The following MYO6 variants were observed in gnomAD, a reference collection of about 807,000 sequenced individuals.
The protein encoded by MYO6 is unconventional myosin-VI.
In MYO6, 74 loss-of-function variants were observed where a neutral mutation model predicts 178.7. The ratio of observed to expected loss-of-function variants is 0.41; its 90% confidence interval spans 0.34 to 0.50. MYO6 has a LOEUF of 0.50. Ranked by LOEUF, MYO6 falls within the 20% of genes least tolerant of loss-of-function variation. MYO6 has a pLI of 0.09. For missense variants in MYO6, 1,330 were observed against 1,547.4 expected (o/e 0.86, Z 2.36); for synonymous variants, 477 against 504.6 (o/e 0.95, Z 0.73).
intron 17 of MYO6, 85 bp from the exon 18 acceptor site, chr6:75,866,847 C>T: frequency 1.4e-6 from 2 of 1,417,772 alleles, no homozygotes; most frequent in Admixed American, 1.7e-5. Context: ...TTTCTGTCAT[C>T]ACAGAAAGTT....
chr6:75,806,858 C>T (rs985316209), intron 1 of MYO6, among the ~76,000 whole-genome samples: 2 of 152,200 alleles, frequency 1.3e-5, no homozygotes, highest in African/African-American at 4.8e-5. Context: ...CTGTTCGGGG[C>T]TCTCAGCTCT....
chr6:75,749,776 A>C (rs563150561), intron 1 of MYO6, among the ~76,000 whole-genome samples: 2 of 152,196 alleles, frequency 1.3e-5, no homozygotes, highest in Non-Finnish European at 2.9e-5. Context: ...ACACGCTTAA[A>C]ATTCAGTGCA....
At chr6:75,891,130 C>T in intron 26 of MYO6, 98 bp from the exon 27 acceptor site, 1 of 775,362 alleles carries the variant, frequency 1.3e-6, no homozygotes. Context: ...CATTCCCAAT[C>T]TGTTACCTTT....
chr6:75,759,892 T>C (rs1013066277), intron 1 of MYO6, among the ~76,000 whole-genome samples: 14 of 152,230 alleles, frequency 9.2e-5, no homozygotes, highest in African/African-American at 3.4e-4. Flanking sequence ...AAAGCACTTT[T>C]GTTAATATAC....
chr6:75,809,865 C>A (rs1223046428), intron 1 of MYO6, among the ~76,000 whole-genome samples: 3 of 148,560 alleles, frequency 2.0e-5, no homozygotes, highest in African/African-American at 7.5e-5. Context: ...GAGTTCAAGA[C>A]CAGTCTGGCT....
intron 13 of MYO6, among the ~76,000 whole-genome samples, chr6:75,858,536 C>T (rs997931263): frequency 6.6e-6 from 1 of 152,034 alleles, no homozygotes; most frequent in African/African-American, 2.4e-5. Flanking sequence ...AACCCGGGGG[C>T]GGAGGTTGCA....
rs150787950 is a variant in MYO6 at position 75,877,054 on chromosome 6, C to T, written c.2078-2766C>T. Reference sequence around the variant, plus strand: ...CAATGGTGCGCTCTTGGCTCACCACCGTAAGCTCCGCCTCCCAGGTTCAAG... The same window carrying T: ...CAATGGTGCGCTCTTGGCTCACCACTGTAAGCTCCGCCTCCCAGGTTCAAG... On this transcript the variant is annotated intron_variant, in intron 20 of 34. Coordinates refer to ENST00000369977, the MANE Select transcript of MYO6 (RefSeq NM_004999.4). 9.9e-3 allele frequency among the ~76,000 whole-genome samples: 1,509 copies of T among 151,860 alleles called. 25 individuals are homozygous for T. Among genetic ancestry groups the T allele is most frequent in the African/African-American group, 0.034 (1,415 of 41,426 alleles).
Position 75,914,165 on chromosome 6 carries a change from A to C in MYO6, c.3542A>C (p.Gln1181Pro). ...ATCCCATTCATCCGCCCTGCCGACC[A>C]GTACAAAGACCCTCAGAGTAAGAAA... The part of the protein sequence containing the change: ...FRIPFIRPAD[Q>P]YKDPQSKKKG... Residue 1181 changes from glutamine (Q) to proline (P), a missense_variant, in exon 34 of 35, where the codon CAG becomes CCG. Transcript: ENST00000369977. The C allele has an allele frequency of 6.2e-7, 1 of 1,614,178 alleles. No individual in the cohort carries two copies. The highest frequency in any genetic ancestry group is 8.5e-7 in the Non-Finnish European group (1 of 1,180,032).
chr6:75,766,048 C>T (rs903271794), intron 1 of MYO6, among the ~76,000 whole-genome samples: 6 of 152,034 alleles, frequency 3.9e-5, no homozygotes, highest in African/African-American at 1.4e-4. Flanking sequence ...GCAGGCTGGG[C>T]ATGGTGGCTC....
At chr6:75,785,999 T>C (rs1408585422) in intron 1 of MYO6, among the ~76,000 whole-genome samples, 1 of 152,080 alleles carries the variant, frequency 6.6e-6, no homozygotes, top group African/African-American at 2.4e-5. Flanking sequence ...CACTGCAACC[T>C]CTGCCTCCCA....
At chr6:75,850,282 T>TA (rs960120359) in intron 11 of MYO6, among the ~76,000 whole-genome samples, 5 of 151,770 alleles carry the variant, frequency 3.3e-5, no homozygotes, top group African/African-American at 1.2e-4. Flanking sequence ...AAAAGAAGAT[T>TA]AAAAAAAGTG....
At chr6:75,818,604 T>A (rs1014452629) in intron 2 of MYO6, among the ~76,000 whole-genome samples, 1 of 152,226 alleles carries the variant, frequency 6.6e-6, no homozygotes, top group African/African-American at 2.4e-5. Flanking sequence ...TAATTTATAT[T>A]CTATGATACA....
chr6:75,869,411 G>A (rs920329850), intron 18 of MYO6, among the ~76,000 whole-genome samples: 4 of 151,946 alleles, frequency 2.6e-5, no homozygotes, highest in African/African-American at 9.7e-5. Context: ...CGTAACCTCG[G>A]GCAAGTTATT....
chr6:75,858,329 G>A (rs7768593), intron 13 of MYO6, among the ~76,000 whole-genome samples: 67 of 152,226 alleles, frequency 4.4e-4, no homozygotes, highest in African/African-American at 1.6e-3. Flanking sequence ...TTGTTGGCCG[G>A]GTGCGGTGGC....
chr6:75,786,900 T>C (rs1207764442), intron 1 of MYO6, among the ~76,000 whole-genome samples: 1 of 152,250 alleles, frequency 6.6e-6, no homozygotes, highest in Non-Finnish European at 1.5e-5. Context: ...GTAACAGTTA[T>C]CACTACTATA....
chr6:75,766,384 G>A (rs940271262), intron 1 of MYO6, among the ~76,000 whole-genome samples: 1 of 151,836 alleles, frequency 6.6e-6, no homozygotes, highest in East Asian at 1.9e-4. Context: ...GTGTGTGTGT[G>A]TATATTTTAT....
At chr6:75,795,520 A>G (rs1768720506) in intron 1 of MYO6, among the ~76,000 whole-genome samples, 1 of 152,174 alleles carries the variant, frequency 6.6e-6, no homozygotes, top group South Asian at 2.1e-4. Context: ...ATCAGGTTTT[A>G]TAGAGGATCT....
chr6:75,890,081 A>G lies in MYO6; in HGVS notation c.2683A>G (p.Ile895Val). 3 of 1,613,874 alleles carry G rather than the reference A, an allele frequency of 1.9e-6. No homozygotes were observed. The highest frequency in any genetic ancestry group is 2.5e-6 in the Non-Finnish European group (3 of 1,179,928). The change falls in exon 26 of 35, where the codon ATC becomes GTC. Residue 895 changes from isoleucine (I) to valine (V), a missense_variant. Transcript: ENST00000369977. ...GTCCACTATGATGACGCAGGAACAA[A>G]TCCAGAAAGAATATGATGCACTGGT... ...IKSTMMTQEQ[I>V]QKEYDALVKS...
chr6:75,830,317 A>C, intron 4 of MYO6, 99 bp from the exon 5 acceptor site: 3 of 1,130,184 alleles, frequency 2.7e-6, no homozygotes. Context: ...TTATATAGAT[A>C]ATTGAAATTT....
Sources: allele counts gnomAD v4.1 joint callset (sites outside exome capture counted in the v4.1 genomes callset), GRCh38; gene constraint gnomAD v4.1.1; transcripts MANE v1.5; gene names NCBI Gene and HGNC (gene_info 2026-07-23, HGNC 2026-07-21).